RAD51B: variants seen among roughly 807,000 people sequenced by gnomAD.
RAD51B encodes the protein RAD51 paralog B.
Under a neutral mutation model 42.2 loss-of-function variants are expected in RAD51B, and 38 were observed. The ratio of observed to expected loss-of-function variants is 0.90; its 90% CI spans 0.70 to 1.18. RAD51B has a LOEUF of 1.18. RAD51B is among the 50% of genes most tolerant of loss of function. RAD51B has a pLI of 0.00. For synonymous variants in RAD51B, 154 were observed against 145.2 expected, an observed-to-expected ratio of 1.06 and a Z score of -0.43; for missense variants, 373 against 400.7, an observed-to-expected ratio of 0.93 and a Z score of 0.59.
At position 68,464,907 on chromosome 14, in the gene RAD51B, G is replaced by C. The variant is rs111529707; in HGVS notation, c.958-3265G>C. ...CAGTGCATTAATCAGTGACCTGTCC[G>C]AACTCTTTGATTTCCGGCAGAGAGG... On this transcript the variant is annotated intron_variant, in intron 9 of 10. Coordinates refer to ENST00000471583, the MANE Select transcript of RAD51B (RefSeq NM_133510.4). Among the ~76,000 whole-genome samples the C allele has an allele frequency of 2.3e-3, 348 of 152,246 alleles. 1 individual carries two copies. The highest frequency in any genetic ancestry group is 8.0e-3 in the African/African-American group (334 of 41,546).
At chr14:67,976,223 C>T (rs1267844242) in intron 7 of RAD51B, among the ~76,000 whole-genome samples, 1 of 151,810 alleles carries the variant, frequency 6.6e-6, no homozygotes, top group East Asian at 1.9e-4. Context: ...CTCAAGCAAT[C>T]TTCGTGCCTC....
At chr14:68,030,776 C>T (rs1443156869) in intron 7 of RAD51B, among the ~76,000 whole-genome samples, 3 of 152,196 alleles carry the variant, frequency 2.0e-5, no homozygotes, top group African/African-American at 7.2e-5. Context: ...TTCAGCCTAT[C>T]TTGGCTTCCA....
chr14:67,968,161 G>T (rs1175774740), intron 7 of RAD51B, among the ~76,000 whole-genome samples: 3 of 152,188 alleles, frequency 2.0e-5, no homozygotes, highest in Non-Finnish European at 4.4e-5. Flanking sequence ...GGGATGCAGG[G>T]CACCAAGTCC....
At chr14:67,835,312 A>C in intron 4 of RAD51B, 116 bp downstream of exon 4, 2 of 777,122 alleles carry the variant, frequency 2.6e-6, no homozygotes, top group Non-Finnish European at 4.3e-6. Context: ...ATTAAATTAT[A>C]AGTACTTCAA....
chr14:68,009,518 A>C (rs1595250737), intron 7 of RAD51B, among the ~76,000 whole-genome samples: 1 of 151,894 alleles, frequency 6.6e-6, no homozygotes, highest in East Asian at 1.9e-4. Context: ...CCTGGAATAC[A>C]TGTACCTTTT....
rs34341705 is a variant in RAD51B, at chr14:68,629,359, C to CA, written c.1037-21418dup. Among the ~76,000 whole-genome samples, 3 of 152,158 alleles carry CA rather than the reference C, an allele frequency of 2.0e-5. No individual in the cohort carries two copies. The East Asian group carries it at 5.8e-4, about 29-fold the overall frequency. Reference sequence around the variant, plus strand: ...CAGGGGGTTTGCAAAATAAGAACCCCAAAACCCACCTCTCTTTCCCATTTT... The same window carrying CA: ...CAGGGGGTTTGCAAAATAAGAACCCCAAAAACCCACCTCTCTTTCCCATTTT... On this transcript the variant is annotated intron_variant, in intron 10 of 11. Transcript: ENST00000488612.
chr14:68,518,477 C>T (rs1023144611), intron 10 of RAD51B, among the ~76,000 whole-genome samples: 7 of 152,066 alleles, frequency 4.6e-5, no homozygotes, highest in Non-Finnish European at 7.4e-5. Flanking sequence ...AGGAAATCAC[C>T]AGAACCTTCA....
chr14:68,271,833 A>G (rs1346083942), intron 7 of RAD51B, among the ~76,000 whole-genome samples: 1 of 152,242 alleles, frequency 6.6e-6, no homozygotes, highest in African/African-American at 2.4e-5. Flanking sequence ...TTGCTCACAC[A>G]TCATAGTAAT....
At chr14:67,898,504 C>T (rs919309393) in intron 7 of RAD51B, among the ~76,000 whole-genome samples, 1 of 152,168 alleles carries the variant, frequency 6.6e-6, no homozygotes, top group Admixed American at 6.5e-5. Context: ...CCTGGAGACA[C>T]AGTGCCTATA....
intron 7 of RAD51B, among the ~76,000 whole-genome samples, chr14:67,922,076 C>G (rs1441968319): frequency 6.6e-6 from 1 of 152,176 alleles, no homozygotes; most frequent in Non-Finnish European, 1.5e-5. Flanking sequence ...GATCAAGTTG[C>G]CAGTGTGTCC....
At chr14:67,871,143 C>G (rs1345749037) in intron 5 of RAD51B, among the ~76,000 whole-genome samples, 1 of 151,970 alleles carries the variant, frequency 6.6e-6, no homozygotes, top group African/African-American at 2.4e-5. Flanking sequence ...TTGATGAATC[C>G]AGGAGCTGGT....
intron 8 of RAD51B, among the ~76,000 whole-genome samples, chr14:68,372,617 A>G (rs1594745047): frequency 3.9e-5 from 6 of 152,300 alleles, no homozygotes; most frequent in Admixed American, 3.9e-4. Context: ...CTGGAGAGAA[A>G]CAGAAAAGAG....
At chr14:68,553,880 T>C (rs867044573) in intron 10 of RAD51B, among the ~76,000 whole-genome samples, 1 of 152,206 alleles carries the variant, frequency 6.6e-6, no homozygotes, top group Non-Finnish European at 1.5e-5. Flanking sequence ...CTCTGCAACC[T>C]AGCAAACAGA....
rs548841145 is a variant in RAD51B at position 68,065,112 on chromosome 14, T to C, written c.756+177908T>C. On this transcript the variant is annotated intron_variant, in intron 7 of 10. Transcript: ENST00000471583. The stretch of plus-strand genomic sequence containing the variant: ...TTCCAATTTTGTAGAGGGGCTTTCG[T>C]TGGGGAAGACTTTCACCTGCAGATG... Among the ~76,000 whole-genome samples, 10 of 152,308 alleles carry C rather than the reference T, an allele frequency of 6.6e-5. No homozygotes were observed. In the South Asian group the frequency reaches 2.1e-3, roughly 32 times the overall value.
intron 7 of RAD51B, among the ~76,000 whole-genome samples, chr14:68,246,170 G>A (rs997793869): frequency 3.9e-5 from 6 of 152,054 alleles, no homozygotes; most frequent in South Asian, 2.1e-4. Flanking sequence ...ACAGAAGTAC[G>A]TCTTGAGGGA....
chr14:68,188,981 C>G (rs913633753), intron 7 of RAD51B, among the ~76,000 whole-genome samples: 1 of 152,006 alleles, frequency 6.6e-6, no homozygotes, highest in Admixed American at 6.6e-5. Context: ...TGCTCCTCCC[C>G]CTAGGCACAA....
chr14:68,477,825 C>A lies in RAD51B; in HGVS notation c.*161C>A. ...ATTTGCTCCTAAACCATTGAGCTAG[C>A]GATTTCAGACCTAGCAGGGAAGGTG... On this transcript the variant is annotated 3_prime_UTR_variant, in exon 11 of 11. Coordinates refer to ENST00000471583, the MANE Select transcript of RAD51B (RefSeq NM_133510.4). 6.9e-7 allele frequency: 1 copy of A among 1,449,310 alleles called. No homozygotes were observed. Among genetic ancestry groups the A allele is most frequent in the Non-Finnish European group, 9.1e-7 (1 of 1,100,934 alleles). The allele number at this position is 1,449,310 out of a possible 1,614,324, so 89.8% of individuals were successfully genotyped here.
rs374713219 is a variant in RAD51B at position 68,569,112 on chromosome 14, C to T, written c.1037-25373C>T. On this transcript the variant is annotated intron_variant, in intron 10 of 10. Coordinates refer to the RAD51B transcript ENST00000487270. ...CATTTCCCCTTTCTGTATTTCCCTT[C>T]GGCATCATCAGCAGGATTTTGTTTA... Among the ~76,000 whole-genome samples, 62 of 152,298 alleles carry T rather than the reference C, an allele frequency of 4.1e-4. 4 individuals are homozygous for T. The highest frequency in any genetic ancestry group is 2.2e-3 in the Admixed American group (33 of 15,298).
chr14:68,487,557 G>T (rs1176764962), intron 10 of RAD51B, among the ~76,000 whole-genome samples: 1 of 151,150 alleles, frequency 6.6e-6, no homozygotes, highest in African/African-American at 2.4e-5. Context: ...TGCCCAGGCT[G>T]GGGTGCAGTG....
Sources: allele counts gnomAD v4.1 joint callset (sites outside exome capture counted in the v4.1 genomes callset), GRCh38; gene constraint gnomAD v4.1.1; transcripts MANE v1.5; gene names NCBI Gene and HGNC (gene_info 2026-07-23, HGNC 2026-07-21).